LUZP2: variants seen among roughly 807,000 people sequenced by gnomAD.
LUZP2 encodes leucine zipper protein 2.
In LUZP2, 52 loss-of-function variants were observed where a neutral mutation model predicts 51.6. The observed-to-expected ratio is 1.01, with a 90% CI of 0.81 to 1.27. The LOEUF (loss-of-function observed/expected upper bound fraction) is 1.27, where lower values mean the gene tolerates loss of function less well. Ranked by LOEUF, LUZP2 falls within the 50% of genes most tolerant of loss-of-function variation. LUZP2 has a pLI of 0.00. For missense variants in LUZP2, 436 were observed against 395.4 expected, an observed-to-expected ratio of 1.10 and a Z score of -0.87; for synonymous variants, 154 against 137.3, an observed-to-expected ratio of 1.12 and a Z score of -0.85.
intron 5 of LUZP2, among the ~76,000 whole-genome samples, chr11:24,867,676 G>A (rs898500342): frequency 1.8e-4 from 27 of 152,090 alleles, no homozygotes; most frequent in Non-Finnish European, 2.2e-4. Context: ...GCTTGTCAAG[G>A]AACTTGGGAC....
chr11:24,806,203 G>C (rs962492945), intron 5 of LUZP2, among the ~76,000 whole-genome samples: 1 of 152,198 alleles, frequency 6.6e-6, no homozygotes, highest in South Asian at 2.1e-4. Context: ...GTAGCTTCAG[G>C]GTAGGAACAT....
chr11:25,069,454 C>T (rs1387579455), intron 10 of LUZP2, among the ~76,000 whole-genome samples: 2 of 151,868 alleles, frequency 1.3e-5, no homozygotes, highest in Non-Finnish European at 2.9e-5. Flanking sequence ...TGTACTAATT[C>T]ATAAATTAAC....
intron 1 of LUZP2, among the ~76,000 whole-genome samples, chr11:24,620,658 T>C (rs184225037): frequency 6.6e-6 from 1 of 152,342 alleles, no homozygotes; most frequent in Admixed American, 6.5e-5. Context: ...TAACATACAC[T>C]GTTTGAACAT....
chr11:24,996,500 G>A (rs992448642), intron 9 of LUZP2, among the ~76,000 whole-genome samples: 6 of 151,756 alleles, frequency 4.0e-5, no homozygotes. Flanking sequence ...CATTGTAATT[G>A]TCTTCCCACC....
At chr11:24,960,711 T>A (rs555632639) in intron 7 of LUZP2, among the ~76,000 whole-genome samples, 12 of 152,308 alleles carry the variant, frequency 7.9e-5, no homozygotes, top group African/African-American at 2.4e-4. Context: ...CTGGATTCAT[T>A]AATTTTTTGA....
intron 5 of LUZP2, among the ~76,000 whole-genome samples, chr11:24,850,784 C>T (rs1334357850): frequency 6.6e-6 from 1 of 152,108 alleles, no homozygotes; most frequent in Non-Finnish European, 1.5e-5. Flanking sequence ...TTTGTGTCCT[C>T]TCTGATTTCC....
intron 7 of LUZP2, among the ~76,000 whole-genome samples, chr11:24,946,001 A>G (rs971294844): frequency 6.6e-6 from 1 of 152,028 alleles, no homozygotes; most frequent in African/African-American, 2.4e-5. Flanking sequence ...CAGGGAAAAG[A>G]TAGTCTAATT....
At chr11:24,946,138 C>A in intron 7 of LUZP2, among the ~76,000 whole-genome samples, 1 of 152,128 alleles carries the variant, frequency 6.6e-6, no homozygotes, top group Non-Finnish European at 1.5e-5. Flanking sequence ...GTTATATATT[C>A]ATACTTCATT....
chr11:24,652,914 C>CA (rs5790426), intron 1 of LUZP2, among the ~76,000 whole-genome samples: 145,758 of 152,066 alleles, frequency 0.96, 70,147 homozygotes, highest in East Asian at 1. Flanking sequence ...GCAAAAATAT[C>CA]AAAATTTAAG....
At chr11:24,575,036 A>G (rs2133809652) in intron 1 of LUZP2, among the ~76,000 whole-genome samples, 1 of 152,218 alleles carries the variant, frequency 6.6e-6, no homozygotes, top group East Asian at 1.9e-4. Flanking sequence ...AAAGTAAAAC[A>G]ACTTGAAACA....
In LUZP2 at chr11:24,955,249, A is replaced by C. The variant is rs1590769843; in HGVS notation, c.523-21342A>C. Among the ~76,000 whole-genome samples the C allele has an allele frequency of 2.0e-5, 3 of 152,054 alleles. No homozygotes were observed. In the South Asian group the frequency reaches 6.2e-4, roughly 31 times the overall value. On this transcript the variant is annotated intron_variant, in intron 7 of 11. Coordinates refer to ENST00000336930, the MANE Select transcript of LUZP2 (RefSeq NM_001009909.4). ...TTTTTTGTCTATAAGTTTCATAAAG[A>C]TAGGGATGTTGCTTTATGTTGTGTT...
chr11:24,898,376 G>C (rs2133773525), intron 5 of LUZP2, among the ~76,000 whole-genome samples: 1 of 152,318 alleles, frequency 6.6e-6, no homozygotes, highest in South Asian at 2.1e-4. Context: ...TATAATTCTA[G>C]CATTTTGGGA....
chr11:25,059,985 A>T (rs1422920266), intron 10 of LUZP2, among the ~76,000 whole-genome samples: 2 of 152,178 alleles, frequency 1.3e-5, no homozygotes, highest in Non-Finnish European at 2.9e-5. Flanking sequence ...TATGTGCAAG[A>T]TATTCCATTA....
chr11:24,565,702 C>A (rs1285424310), intron 1 of LUZP2, among the ~76,000 whole-genome samples: 1 of 151,990 alleles, frequency 6.6e-6, no homozygotes, highest in Non-Finnish European at 1.5e-5. Flanking sequence ...CAAGAATACA[C>A]AAGATTACAA....
intron 1 of LUZP2, among the ~76,000 whole-genome samples, chr11:24,689,805 T>G (rs1406542164): frequency 6.6e-6 from 1 of 152,182 alleles, no homozygotes; most frequent in East Asian, 1.9e-4. Flanking sequence ...TCTTAAGCAT[T>G]CACTCCTTTT....
chr11:24,865,075 G>A (rs905245247), intron 5 of LUZP2, among the ~76,000 whole-genome samples: 1 of 152,148 alleles, frequency 6.6e-6, no homozygotes, highest in Non-Finnish European at 1.5e-5. Context: ...CATGATGACT[G>A]CTGAGGCAAA....
At chr11:24,512,748 T>C (rs1003879700) in intron 1 of LUZP2, among the ~76,000 whole-genome samples, 2 of 151,084 alleles carry the variant, frequency 1.3e-5, no homozygotes, top group Admixed American at 1.3e-4. Flanking sequence ...GTTATTTTTT[T>C]CTTTGTTTTT....
chr11:24,759,227 T>C (rs1454323665), intron 4 of LUZP2, among the ~76,000 whole-genome samples: 1 of 152,090 alleles, frequency 6.6e-6, no homozygotes, highest in Non-Finnish European at 1.5e-5. Context: ...AAAGCAAGAG[T>C]TTTAGCTTCA....
intron 7 of LUZP2, among the ~76,000 whole-genome samples, chr11:24,957,851 C>A (rs1855255423): frequency 6.6e-6 from 1 of 151,980 alleles, no homozygotes; most frequent in South Asian, 2.1e-4. Context: ...TGCACTGCAC[C>A]CACTAACTCG....
Sources: allele counts gnomAD v4.1 joint callset (sites outside exome capture counted in the v4.1 genomes callset), GRCh38; gene constraint gnomAD v4.1.1; transcripts MANE v1.5; gene names NCBI Gene and HGNC (gene_info 2026-07-23, HGNC 2026-07-21).